Variants in PCDHGA4 observed in about 807,000 individuals in gnomAD.
The protein encoded by PCDHGA4 is protocadherin gamma subfamily A, 4, also known as protocadherin gamma-A4.
Under a neutral mutation model 54.6 loss-of-function variants are expected in PCDHGA4, and 38 were observed. The observed-to-expected ratio is 0.70, with a 90% CI of 0.54 to 0.91. PCDHGA4 has a LOEUF of 0.91. PCDHGA4 is among the 40% of genes least tolerant of loss of function. The pLI is 0.00. For missense variants in PCDHGA4, 1,298 were observed against 1,220.9 expected (o/e 1.06, Z -0.94); for synonymous variants, 511 against 512.9 (o/e 1.00, Z 0.05).
intron 1 of PCDHGA4, chr5:141,374,138 C>G: frequency 6.2e-7 from 1 of 1,608,824 alleles, no homozygotes; most frequent in Non-Finnish European, 8.5e-7. Context: ...GCTCCTCACG[C>G]TCCTGGGGAC....
intron 1 of PCDHGA4, chr5:141,378,778 C>G (rs962575356): frequency 6.6e-5 from 10 of 152,270 alleles, no homozygotes; most frequent in Middle Eastern, 3.4e-3. Flanking sequence ...ACTGATTAGT[C>G]TTATTTATTA....
At chr5:141,404,469 C>T (rs1239367876) in intron 1 of PCDHGA4, 3 of 1,612,966 alleles carry the variant, frequency 1.9e-6, no homozygotes, top group African/African-American at 1.3e-5. Flanking sequence ...ACCTATGTCT[C>T]TATTAACTCA....
chr5:141,427,711 A>G, intron 1 of PCDHGA4: 1 of 1,036,496 alleles, frequency 9.6e-7, no homozygotes. Context: ...AGCGCCTCTG[A>G]CCTGGACCTA....
At chr5:141,503,478 C>T (rs1249372985) in intron 2 of PCDHGA4, among the ~76,000 whole-genome samples, 3 of 151,680 alleles carry the variant, frequency 2.0e-5, no homozygotes, top group East Asian at 1.9e-4. Context: ...GTGCACTTGT[C>T]GTCCCAGCTG....
intron 1 of PCDHGA4, among the ~76,000 whole-genome samples, chr5:141,452,300 T>C (rs886540131): frequency 2.0e-5 from 3 of 152,194 alleles, no homozygotes; most frequent in African/African-American, 7.2e-5. Flanking sequence ...TAAGAAAATA[T>C]TAGAGACTCA....
rs111263562 is a variant in PCDHGA4, at chr5:141,487,812, T to C, written c.2515-6995T>C. The C allele has an allele frequency of 1.1e-4, 148 of 1,408,204 alleles. 1 individual carries two copies. Among genetic ancestry groups the C allele is most frequent in the South Asian group, 1.6e-4 (12 of 73,988 alleles). The allele number at this position is 1,408,204 out of a possible 1,614,324, so 87.2% of individuals were successfully genotyped here. On this transcript the variant is annotated intron_variant, in intron 1 of 3. Coordinates refer to ENST00000571252, the MANE Select transcript of PCDHGA4 (RefSeq NM_018917.4). The surrounding 1 kb of genome is among the most constrained non-coding windows in gnomAD (Gnocchi z 5.0). ...TAACCAGAGTTGTCACAGTTTAGCA[T>C]TGGGGGCGGGTCATGCCTATATCTG...
intron 1 of PCDHGA4, among the ~76,000 whole-genome samples, chr5:141,448,043 G>A (rs1000669754): frequency 3.3e-5 from 5 of 151,870 alleles, no homozygotes; most frequent in African/African-American, 1.2e-4. Context: ...CCAAGATCAT[G>A]CCATTGCTCT....
At chr5:141,429,814 T>C (rs554065871) in intron 1 of PCDHGA4, among the ~76,000 whole-genome samples, 3 of 152,322 alleles carry the variant, frequency 2.0e-5, no homozygotes, top group African/African-American at 7.2e-5. Flanking sequence ...TAATTACAAT[T>C]AGGTCAGTTA....
At chr5:141,390,110 C>T (rs2092051149) in intron 1 of PCDHGA4, 22 of 1,613,970 alleles carry the variant, frequency 1.4e-5, no homozygotes, top group Non-Finnish European at 1.9e-5. Flanking sequence ...CCAACTACAG[C>T]GAGGGGACTT....
intron 1 of PCDHGA4, chr5:141,390,019 G>T (rs1047341984): frequency 1.9e-6 from 3 of 1,614,002 alleles, no homozygotes; most frequent in Non-Finnish European, 2.5e-6. Flanking sequence ...ATTGCCTTGC[G>T]CCTGCGACGC....
chr5:141,410,142 G>A (rs2095361095), intron 1 of PCDHGA4: 3 of 1,612,612 alleles, frequency 1.9e-6, no homozygotes, highest in East Asian at 2.2e-5. Context: ...GTCGCTGTGC[G>A]TGACGGTGGA....
intron 2 of PCDHGA4, among the ~76,000 whole-genome samples, chr5:141,496,631 G>A (rs1434126210): frequency 6.6e-6 from 1 of 152,164 alleles, no homozygotes; most frequent in Admixed American, 6.5e-5. Context: ...CAAAAGGCTT[G>A]GGCTGCCCTT....
rs1004089667 is a variant in PCDHGA4, at chr5:141,497,399, C to G, written c.2573+2534C>G. The stretch of plus-strand genomic sequence containing the variant: ...TGGGGTGAGCACCTTACCCCTGCCT[C>G]AACTCCCATTCCATCAAATGAGAGG... On this transcript the variant is annotated intron_variant, in intron 2 of 3. Coordinates refer to ENST00000571252, the MANE Select transcript of PCDHGA4 (RefSeq NM_018917.4). Among the ~76,000 whole-genome samples the G allele has an allele frequency of 5.9e-5, 9 of 152,146 alleles. 1 individual carries two copies. The highest frequency in any genetic ancestry group is 1.2e-4 in the Non-Finnish European group (8 of 68,034).
intron 1 of PCDHGA4, chr5:141,378,047 TC>T (rs1257560476): frequency 1.3e-5 from 2 of 152,202 alleles, no homozygotes; most frequent in Non-Finnish European, 2.9e-5. Flanking sequence ...ACTTTCCTTA[TC>T]TATCTGACTC....
chr5:141,383,575 G>A (rs1229661535), intron 1 of PCDHGA4: 17 of 1,613,114 alleles, frequency 1.1e-5, no homozygotes, highest in Non-Finnish European at 1.4e-5. Context: ...ATCCAGCACC[G>A]CCCACATCCA....
At chr5:141,413,812 C>T in intron 1 of PCDHGA4, 2 of 1,613,144 alleles carry the variant, frequency 1.2e-6, no homozygotes, top group Non-Finnish European at 1.7e-6. Flanking sequence ...GGCCATTCAC[C>T]ACCTGGTCCT....
rs70988800 is a variant in PCDHGA4 at position 141,379,889 on chromosome 5, C to CTTTTTTTTTT, written c.2514+22289_2514+22298dup. Among the ~76,000 whole-genome samples, 163 of 50,832 alleles carry CTTTTTTTTTT rather than the reference C, an allele frequency of 3.2e-3. 26 individuals carry two copies. The highest frequency in any genetic ancestry group is 6.0e-3 in the African/African-American group (90 of 15,084). The allele number at this position is 50,832 out of a possible 152,430, so 33.3% of individuals were successfully genotyped here. On this transcript the variant is annotated intron_variant, in intron 1 of 3. Transcript: ENST00000571252. ...CTTATTTTATGGTCTGTGAAAGCCTCTTTTTTTTTTTTTTTTTTTTTTTTT... is the reference window on the plus strand; with the variant it reads ...CTTATTTTATGGTCTGTGAAAGCCTCTTTTTTTTTTTTTTTTTTTTTTTTTTTTTTTTTTT...
At chr5:141,467,672 A>T (rs1410623274) in intron 1 of PCDHGA4, among the ~76,000 whole-genome samples, 2 of 151,636 alleles carry the variant, frequency 1.3e-5, no homozygotes, top group Non-Finnish European at 2.9e-5. Context: ...GAAGATTTTT[A>T]TTTTTTTTAG....
chr5:141,362,225 C>T, intron 1 of PCDHGA4: 1 of 1,614,040 alleles, frequency 6.2e-7, no homozygotes, highest in Non-Finnish European at 8.5e-7. Context: ...GTGGCCTTGG[C>T]CTTGATCTCA....
Sources: allele counts gnomAD v4.1 joint callset (sites outside exome capture counted in the v4.1 genomes callset), GRCh38; gene constraint gnomAD v4.1.1; non-coding constraint Gnocchi (gnomAD v3.1); transcripts MANE v1.5; gene names NCBI Gene and HGNC (gene_info 2026-07-23, HGNC 2026-07-21).